Variants in SLC26A5 observed in about 807,000 individuals in gnomAD.
The protein encoded by SLC26A5 is prestin.
SLC26A5 carries 51 observed loss-of-function variants against 81.0 expected under a neutral mutation model. The observed-to-expected ratio is 0.63, with a 90% CI of 0.50 to 0.80. The LOEUF (loss-of-function observed/expected upper bound fraction) is 0.80. SLC26A5 is among the 30% of genes least tolerant of loss of function. The pLI is 0.00. For synonymous variants in SLC26A5, 325 were observed against 332.8 expected (o/e 0.98, Z 0.25); for missense variants, 771 against 905.8 (o/e 0.85, Z 1.91).
At chr7:103,439,882 T>C (rs1346798988) in intron 2 of SLC26A5, among the ~76,000 whole-genome samples, 3 of 152,156 alleles carry the variant, frequency 2.0e-5, no homozygotes, top group Admixed American at 1.3e-4. Flanking sequence ...CCTCAGGGCC[T>C]TTGCACTGGC....
Position 103,420,642 on chromosome 7 carries a change from A to T in SLC26A5, c.292+96T>A, listed in dbSNP as rs970056395. 177 of 1,483,656 alleles carry T rather than the reference A, an allele frequency of 1.2e-4. 1 individual carries two copies. Among genetic ancestry groups the T allele is most frequent in the Non-Finnish European group, 1.5e-4 (165 of 1,074,912 alleles). 91.9% of individuals were successfully genotyped at this position (1,483,656 alleles called of 1,614,324 possible). On this transcript the variant is annotated intron_variant, in intron 4 of 19. Transcript: ENST00000306312. ...AGGTAAAGGTTACTAGAAAGATATG[A>T]TAAAAATTATGAATTTGCAATCATG...
downstream of SLC26A5, among the ~76,000 whole-genome samples, chr7:103,372,011 T>C (rs946008180): frequency 3.3e-5 from 5 of 152,194 alleles, no homozygotes; most frequent in African/African-American, 4.8e-5. Context: ...TTTTATAACA[T>C]AGTTTAAAAT....
intron 4 of SLC26A5, among the ~76,000 whole-genome samples, chr7:103,419,222 T>C (rs1472472554): frequency 1.3e-5 from 2 of 152,174 alleles, no homozygotes; most frequent in African/African-American, 2.4e-5. Flanking sequence ...AGGTATGTCT[T>C]TGTTAGCACT....
At chr7:103,442,457 A>G (rs535469470) in intron 2 of SLC26A5, among the ~76,000 whole-genome samples, 2 of 152,210 alleles carry the variant, frequency 1.3e-5, no homozygotes, top group Non-Finnish European at 2.9e-5. Context: ...ACTATTGAAA[A>G]CGATTGTATT....
At chr7:103,437,609 G>T (rs890133863) in intron 2 of SLC26A5, among the ~76,000 whole-genome samples, 3 of 152,156 alleles carry the variant, frequency 2.0e-5, no homozygotes, top group Non-Finnish European at 2.9e-5. Context: ...CCTTAAAAAA[G>T]AAAGAAATCA....
intron 4 of SLC26A5, among the ~76,000 whole-genome samples, chr7:103,414,972 GAC>G (rs1342028443): frequency 1.3e-5 from 2 of 152,154 alleles, no homozygotes; most frequent in Non-Finnish European, 2.9e-5. Context: ...CTGTTAAAGT[GAC>G]ACACTCAAGA....
chr7:103,440,468 G>C (rs1826797567), intron 2 of SLC26A5, among the ~76,000 whole-genome samples: 1 of 152,146 alleles, frequency 6.6e-6, no homozygotes, highest in African/African-American at 2.4e-5. Context: ...ACACATAAAT[G>C]GGCCATTGAG....
chr7:103,413,808 G>T (rs147442207), intron 4 of SLC26A5, among the ~76,000 whole-genome samples: 143 of 152,064 alleles, frequency 9.4e-4, no homozygotes, highest in African/African-American at 3.3e-3. Context: ...TTTTTAAATA[G>T]AATTTTTAGA....
intron 2 of SLC26A5, among the ~76,000 whole-genome samples, chr7:103,429,849 G>T (rs193271271): frequency 1.3e-5 from 2 of 152,340 alleles, no homozygotes; most frequent in African/African-American, 4.8e-5. Context: ...GGCCAAGGTT[G>T]CCATAGCATG....
Position 103,380,464 on chromosome 7 carries a change from T to C in SLC26A5, c.1584+16A>G, listed in dbSNP as rs1821683806. The C allele has an allele frequency of 2.5e-6, 4 of 1,602,596 alleles. No homozygotes were observed. Among genetic ancestry groups the C allele is most frequent in the East Asian group, 2.2e-5 (1 of 44,858 alleles). On this transcript the variant is annotated intron_variant, in intron 15 of 19. Coordinates refer to ENST00000306312, the MANE Select transcript of SLC26A5 (RefSeq NM_198999.3). ...ACATGCTTACAACCTTTTTAAGTGA[T>C]AGAAAAAGGTCCTACCTCCTCATAT...
intron 19 of SLC26A5, chr7:103,368,572 T>C (rs1820845785): frequency 6.6e-6 from 1 of 152,208 alleles, no homozygotes; most frequent in African/African-American, 2.4e-5. Context: ...CACCACCATA[T>C]TGAATAATAA....
At chr7:103,416,283 G>A (rs1393614577) in intron 4 of SLC26A5, among the ~76,000 whole-genome samples, 1 of 152,156 alleles carries the variant, frequency 6.6e-6, no homozygotes, top group African/African-American at 2.4e-5. Context: ...GGGCCTTATT[G>A]TGGGACAACT....
At chr7:103,445,514 G>A (rs1024654742) in intron 1 of SLC26A5, 4 of 152,246 alleles carry the variant, frequency 2.6e-5, no homozygotes, top group Admixed American at 6.5e-5. Context: ...GGGCTGTTAG[G>A]CTCTGAGCAG....
chr7:103,411,423 A>G lies in SLC26A5; in HGVS notation c.567T>C (p.Ile189=), dbSNP rs1243950123. 2 of 1,614,012 alleles carry G rather than the reference A, an allele frequency of 1.2e-6. No individual in the cohort carries two copies. Among genetic ancestry groups the G allele is most frequent in the Middle Eastern group, 1.6e-4 (1 of 6,084 alleles). The change falls in exon 6 of 20, where the codon ATT becomes ATC. Residue 189 remains isoleucine, a synonymous_variant. Coordinates refer to ENST00000306312, the MANE Select transcript of SLC26A5 (RefSeq NM_198999.3). ...AMSVTLLSGI[I]QFCLGVCRFG... Reference sequence around the variant, plus strand: ...TTTCCCCATCTTTGAGCCTTACCTGAATGATTCCTGAAAGTAAGGTCACAG... The same window carrying G: ...TTTCCCCATCTTTGAGCCTTACCTGGATGATTCCTGAAAGTAAGGTCACAG...
intron 2 of SLC26A5, among the ~76,000 whole-genome samples, chr7:103,436,503 C>T (rs962010075): frequency 7.9e-5 from 12 of 152,182 alleles, no homozygotes; most frequent in African/African-American, 2.9e-4. Flanking sequence ...ACCCAAACTG[C>T]TAAGCATCTA....
intron 9 of SLC26A5, among the ~76,000 whole-genome samples, chr7:103,396,959 G>A (rs1354149326): frequency 2.0e-5 from 3 of 151,036 alleles, no homozygotes; most frequent in African/African-American, 7.3e-5. Context: ...GTTGGATGTG[G>A]TGGCACACAC....
chr7:103,398,333 T>G (rs990283132), intron 8 of SLC26A5, among the ~76,000 whole-genome samples: 1 of 152,126 alleles, frequency 6.6e-6, no homozygotes, highest in Admixed American at 6.5e-5. Context: ...ACCTTTAGGG[T>G]GGTGAAATGA....
At chr7:103,433,094 C>G (rs76626878) in intron 2 of SLC26A5, among the ~76,000 whole-genome samples, 1,640 of 152,220 alleles carry the variant, frequency 0.011, 24 homozygotes, top group African/African-American at 0.038. Flanking sequence ...TATTAATGGA[C>G]TAGACAGGTC....
intron 14 of SLC26A5, among the ~76,000 whole-genome samples, chr7:103,386,683 T>C (rs1026307551): frequency 4.6e-5 from 7 of 151,606 alleles, no homozygotes; most frequent in African/African-American, 1.7e-4. Context: ...TCCTATTCAG[T>C]AAAAAAAACA....
Sources: gnomAD v4.1 joint callset for allele counts (sites outside exome capture counted in the v4.1 genomes callset) on GRCh38, gnomAD v4.1.1 for gene constraint, MANE v1.5 for transcripts, NCBI Gene and HGNC (gene_info 2026-07-23, HGNC 2026-07-21) for gene names.